The following DTNA variants were observed in gnomAD, a reference collection of about 807,000 sequenced individuals.
The protein encoded by DTNA is dystrophin-related protein 3.
DTNA carries 43 observed loss-of-function variants against 100.7 expected under a neutral mutation model. The ratio of observed to expected loss-of-function variants is 0.43; its 90% CI spans 0.33 to 0.55. DTNA has a LOEUF of 0.55. DTNA is among the 20% of genes least tolerant of loss of function. The pLI is 0.04. For missense variants in DTNA, 798 were observed against 953.9 expected, an observed-to-expected ratio of 0.84 and a Z score of 2.15; for synonymous variants, 349 against 347.9, an observed-to-expected ratio of 1.00 and a Z score of -0.04.
intron 1 of DTNA, among the ~76,000 whole-genome samples, chr18:34,626,287 C>T (rs2057313611): frequency 6.6e-6 from 1 of 152,052 alleles, no homozygotes; most frequent in African/African-American, 2.4e-5. Context: ...AGTTGGCCTG[C>T]TCTACCATAA....
chr18:34,697,188 C>T (rs1008735462), intron 1 of DTNA, among the ~76,000 whole-genome samples: 10 of 152,148 alleles, frequency 6.6e-5, no homozygotes, highest in Non-Finnish European at 1.3e-4. Context: ...GAATCTCCAC[C>T]ACCATTCCTT....
At position 34,888,412 on chromosome 18, in the gene DTNA, G is replaced by C; in HGVS notation, c.*678G>C. 4.1e-6 allele frequency: 4 copies of C among 985,826 alleles called. No homozygotes were observed. The highest frequency in any genetic ancestry group is 4.8e-6 in the Non-Finnish European group (4 of 829,932). 61.1% of individuals were successfully genotyped at this position (985,826 alleles called of 1,614,324 possible). On this transcript the variant is annotated 3_prime_UTR_variant, in exon 23 of 23. Transcript: ENST00000444659. ...GGTCTGTAGTTGACTCCAAGTCTCT[G>C]TGAGCAGTGACTTGAACCAAACACA...
chr18:34,655,137 G>A (rs1274775944), intron 1 of DTNA, among the ~76,000 whole-genome samples: 1 of 152,062 alleles, frequency 6.6e-6, no homozygotes, highest in Non-Finnish European at 1.5e-5. Flanking sequence ...ATTAAATCCA[G>A]CAAAAATGTA....
At chr18:34,800,278 G>A (rs1264441172) in intron 4 of DTNA, among the ~76,000 whole-genome samples, 1 of 152,180 alleles carries the variant, frequency 6.6e-6, no homozygotes, top group Non-Finnish European at 1.5e-5. Flanking sequence ...AAGACAAGAT[G>A]AAATGAGATG....
At chr18:34,655,510 AAAAG>A (rs1455660405) in intron 1 of DTNA, among the ~76,000 whole-genome samples, 1 of 152,200 alleles carries the variant, frequency 6.6e-6, no homozygotes, top group Admixed American at 6.5e-5. Flanking sequence ...TATTAAATGA[AAAAG>A]AAAAGTTCTC....
intron 1 of DTNA, among the ~76,000 whole-genome samples, chr18:34,559,670 A>T (rs1485592908): frequency 6.6e-6 from 1 of 152,166 alleles, no homozygotes; most frequent in Non-Finnish European, 1.5e-5. Flanking sequence ...GTTCAACTGA[A>T]ACAGAAGTAA....
chr18:34,553,160 G>T, intron 1 of DTNA, among the ~76,000 whole-genome samples: 1 of 151,054 alleles, frequency 6.6e-6, no homozygotes, highest in Non-Finnish European at 1.5e-5. Flanking sequence ...GTGTTTTTTG[G>T]CTGCATAAAT....
intron 1 of DTNA, among the ~76,000 whole-genome samples, chr18:34,755,083 G>A (rs527561006): frequency 3.9e-5 from 6 of 152,300 alleles, no homozygotes; most frequent in South Asian, 4.1e-4. Context: ...GTAGACATAC[G>A]TGTGCATCTA....
chr18:34,678,062 G>C (rs184096726), intron 1 of DTNA, among the ~76,000 whole-genome samples: 1 of 152,096 alleles, frequency 6.6e-6, no homozygotes, highest in Admixed American at 6.6e-5. Flanking sequence ...GAGAAGTGCC[G>C]AGCAAAGGGG....
Position 34,888,346 on chromosome 18 carries a change from A to T in DTNA, c.*612A>T. ...GAAGAATTTGGTTCCTGAGTGTACA[A>T]ACTCAGAGCCCGGAAGCCAAGAAGG... On this transcript the variant is annotated 3_prime_UTR_variant, in exon 23 of 23. Coordinates refer to ENST00000444659, the MANE Select transcript of DTNA (RefSeq NM_001386795.1). 1 of 985,844 alleles carries T rather than the reference A, an allele frequency of 1.0e-6. No individual in the cohort carries two copies. Among genetic ancestry groups the T allele is most frequent in the Non-Finnish European group, 1.2e-6 (1 of 829,932 alleles). 61.1% of individuals were successfully genotyped at this position (985,844 alleles called of 1,614,324 possible).
chr18:34,740,525 C>T (rs2090439408), intron 1 of DTNA, among the ~76,000 whole-genome samples: 1 of 152,272 alleles, frequency 6.6e-6, no homozygotes, highest in African/African-American at 2.4e-5. Flanking sequence ...CATACTGGCA[C>T]ATCACAAGCA....
At chr18:34,579,619 A>G (rs958132107) in intron 1 of DTNA, among the ~76,000 whole-genome samples, 8 of 152,208 alleles carry the variant, frequency 5.3e-5, no homozygotes, top group African/African-American at 1.7e-4. Context: ...AAGGCAGTCA[A>G]TATTTTAGTT....
intron 1 of DTNA, among the ~76,000 whole-genome samples, chr18:34,510,904 A>G (rs950908469): frequency 6.6e-6 from 1 of 152,000 alleles, no homozygotes; most frequent in African/African-American, 2.4e-5. Flanking sequence ...GTGTGTTTAA[A>G]TCATGCAGCT....
chr18:34,794,479 G>A (rs546608244), intron 4 of DTNA, among the ~76,000 whole-genome samples: 90 of 152,234 alleles, frequency 5.9e-4, no homozygotes, highest in Non-Finnish European at 1.0e-3. Context: ...GAGGACAATT[G>A]TATTTTATGT....
chr18:34,595,283 A>T (rs1399431048), intron 1 of DTNA, among the ~76,000 whole-genome samples: 1 of 152,242 alleles, frequency 6.6e-6, no homozygotes, highest in African/African-American at 2.4e-5. Flanking sequence ...ACATGTAGGC[A>T]TACCTTTTAT....
At chr18:34,568,610 A>G (rs2146363818) in intron 1 of DTNA, among the ~76,000 whole-genome samples, 1 of 152,134 alleles carries the variant, frequency 6.6e-6, no homozygotes. Flanking sequence ...AAGCATTTAT[A>G]ATTTTTTTAT....
chr18:34,538,715 T>A (rs1431824989), intron 1 of DTNA, among the ~76,000 whole-genome samples: 1 of 152,016 alleles, frequency 6.6e-6, no homozygotes, highest in Admixed American at 6.6e-5. Flanking sequence ...TACATGTTCT[T>A]TGGTATTGTT....
chr18:34,500,404 C>T (rs904400110), intron 1 of DTNA, among the ~76,000 whole-genome samples: 3 of 149,014 alleles, frequency 2.0e-5, no homozygotes, highest in African/African-American at 7.5e-5. Context: ...CTGGGAACTC[C>T]TGAACTCACT....
At chr18:34,588,177 T>C (rs577753856) in intron 1 of DTNA, among the ~76,000 whole-genome samples, 1 of 152,324 alleles carries the variant, frequency 6.6e-6, no homozygotes, top group South Asian at 2.1e-4. Context: ...CATGACTATA[T>C]CATGAAGTGT....
Sources: gnomAD v4.1 joint callset for allele counts (sites outside exome capture counted in the v4.1 genomes callset) on GRCh38, gnomAD v4.1.1 for gene constraint, MANE v1.5 for transcripts, NCBI Gene and HGNC (gene_info 2026-07-23, HGNC 2026-07-21) for gene names.